The following GTF2I variants were observed in gnomAD, a reference collection of about 807,000 sequenced individuals.
The protein encoded by GTF2I is general transcription factor IIi.
GTF2I carries 12 observed loss-of-function variants against 67.6 expected under a neutral mutation model. The observed-to-expected ratio is 0.18, with a 90% CI of 0.11 to 0.29. GTF2I has a LOEUF of 0.29. GTF2I is among the 10% of genes least tolerant of loss of function. GTF2I has a pLI of 1.00. For missense variants in GTF2I, 271 were observed against 580.1 expected (o/e 0.47, Z 5.47); for synonymous variants, 149 against 197.0 (o/e 0.76, Z 2.04).
intron 28 of GTF2I, among the ~76,000 whole-genome samples, chr7:74,752,787 TTTAG>T (rs1459171815): frequency 7.9e-6 from 1 of 126,644 alleles, no homozygotes; most frequent in Non-Finnish European, 1.7e-5. Flanking sequence ...TTGTAGCATT[TTTAG>T]TTAGGCATTA....
chr7:74,716,569 G>A, intron 10 of GTF2I: 1 of 225,716 alleles, frequency 4.4e-6, no homozygotes, highest in Non-Finnish European at 8.9e-6. Flanking sequence ...AGATGAGCAT[G>A]GTACTTGAAG....
At chr7:74,706,358 G>A (rs1554401406) in intron 7 of GTF2I, 32 bp from the exon 8 acceptor site, 5 of 1,603,896 alleles carry the variant, frequency 3.1e-6, no homozygotes, top group Middle Eastern at 1.6e-4. Context: ...TCACCAGCAC[G>A]TGGCTTGATC....
At chr7:74,685,136 ACACCCTATG>A (rs1787594025) in intron 1 of GTF2I, among the ~76,000 whole-genome samples, 1 of 152,240 alleles carries the variant, frequency 6.6e-6, no homozygotes, top group Non-Finnish European at 1.5e-5. Flanking sequence ...TACAAAGGTT[ACACCCTATG>A]CAAGCATCTG....
intron 28 of GTF2I, among the ~76,000 whole-genome samples, chr7:74,752,483 A>C (rs1257275373): frequency 3.5e-5 from 5 of 144,804 alleles, no homozygotes; most frequent in African/African-American, 1.2e-4. Context: ...TGGGAGGCTG[A>C]GGCAGGAGGA....
chr7:74,700,929 G>A (rs782038821), intron 6 of GTF2I, among the ~76,000 whole-genome samples: 4 of 152,232 alleles, frequency 2.6e-5, no homozygotes, highest in Non-Finnish European at 4.4e-5. Context: ...TCGGCAAGAC[G>A]TTGTTGGGCA....
intron 4 of GTF2I, chr7:74,700,043 C>G (rs1789520008): frequency 5.7e-6 from 3 of 528,134 alleles, no homozygotes; most frequent in Non-Finnish European, 1.0e-5. Flanking sequence ...ATTTTATCTA[C>G]TTTTCATTTT....
At chr7:74,722,544 C>A (rs1793162967) in intron 12 of GTF2I, among the ~76,000 whole-genome samples, 1 of 152,164 alleles carries the variant, frequency 6.6e-6, no homozygotes, top group African/African-American at 2.4e-5. Flanking sequence ...AGTCACTTAC[C>A]TGTTACCTGT....
At chr7:74,663,493 A>T (rs1438050429) in intron 1 of GTF2I, among the ~76,000 whole-genome samples, 1 of 152,056 alleles carries the variant, frequency 6.6e-6, no homozygotes, top group Non-Finnish European at 1.5e-5. Flanking sequence ...TCACCATGTT[A>T]GCCAGGCTGG....
Position 74,690,285 on chromosome 7 carries a change from G to A in GTF2I, c.100-688G>A, listed in dbSNP as rs181625950. 1.9e-3 allele frequency among the ~76,000 whole-genome samples: 288 copies of A among 152,098 alleles called. 1 individual carries two copies. Among genetic ancestry groups the A allele is most frequent in the African/African-American group, 6.6e-3 (273 of 41,506 alleles). On this transcript the variant is annotated intron_variant, in intron 2 of 34. Coordinates refer to ENST00000573035, the MANE Select transcript of GTF2I (RefSeq NM_032999.4). ...TGTTATGGTGGTATTATTTTTAGGG[G>A]GGAAAATTGGAATCACCAACCTTTT...
At chr7:74,689,001 A>G (rs587742433) in intron 1 of GTF2I, 123 bp from the exon 2 acceptor site, 5 of 660,920 alleles carry the variant, frequency 7.6e-6, no homozygotes, top group African/African-American at 7.2e-5. Flanking sequence ...TCTGAGCCTT[A>G]TTTTGTCTCT....
At chr7:74,711,614 A>G (rs376596347) in intron 9 of GTF2I, among the ~76,000 whole-genome samples, 8 of 152,210 alleles carry the variant, frequency 5.3e-5, no homozygotes, top group East Asian at 3.8e-4. Flanking sequence ...TATTCAGGCA[A>G]CACGGATCTG....
chr7:74,674,193 C>T (rs587702800), intron 1 of GTF2I, among the ~76,000 whole-genome samples: 166 of 151,168 alleles, frequency 1.1e-3, no homozygotes, highest in African/African-American at 4.0e-3. Context: ...CCTCAGGCTC[C>T]TGAGTAGCTG....
chr7:74,686,132 G>A (rs782646902), intron 1 of GTF2I, among the ~76,000 whole-genome samples: 1 of 152,204 alleles, frequency 6.6e-6, no homozygotes, highest in Non-Finnish European at 1.5e-5. Context: ...CTGTGCAAAC[G>A]TCTGATTGGT....
intron 1 of GTF2I, among the ~76,000 whole-genome samples, chr7:74,658,610 A>T (rs1554384824): frequency 6.7e-6 from 1 of 149,838 alleles, no homozygotes; most frequent in African/African-American, 2.4e-5. Context: ...GGGATTGGCC[A>T]ACCGGCGCGG....
At chr7:74,689,810 G>T (rs1391604957) in intron 2 of GTF2I, among the ~76,000 whole-genome samples, 2 of 152,040 alleles carry the variant, frequency 1.3e-5, no homozygotes, top group Non-Finnish European at 2.9e-5. Flanking sequence ...CTGCCCCCTG[G>T]GTTCAAGTGA....
At chr7:74,665,053 C>T (rs1804852155) in intron 1 of GTF2I, among the ~76,000 whole-genome samples, 1 of 151,778 alleles carries the variant, frequency 6.6e-6, no homozygotes, top group East Asian at 1.9e-4. Context: ...GATTTTCCTG[C>T]CTCAGCCTCC....
At position 74,714,815 on chromosome 7, in the gene GTF2I, T is replaced by G. The variant is rs187975513; in HGVS notation, c.764-42T>G. 6,374 of 1,371,624 alleles carry G rather than the reference T, an allele frequency of 4.6e-3. 119 individuals carry two copies. Among genetic ancestry groups the G allele is most frequent in the South Asian group, 0.036 (2,740 of 76,500 alleles). 85.0% of individuals were successfully genotyped at this position (1,371,624 alleles called of 1,614,324 possible). A position where few individuals can be genotyped will look rare whatever the true frequency, so the allele number is the denominator to read the frequency against. ...ACTAAAGTCACCCCACATTTTTTTT[T>G]GGGGGGGATTACTTTTGAAGTATTA... On this transcript the variant is annotated intron_variant, in intron 9 of 34. Transcript: ENST00000573035.
intron 8 of GTF2I, among the ~76,000 whole-genome samples, chr7:74,709,419 T>G (rs1271383910): frequency 6.6e-5 from 10 of 151,964 alleles, no homozygotes; most frequent in Admixed American, 2.6e-4. Flanking sequence ...AATTTTTGTA[T>G]TATTCATTTA....
intron 2 of GTF2I, among the ~76,000 whole-genome samples, 155 bp from the exon 3 acceptor site, chr7:74,690,818 T>C (rs1788222382): frequency 6.6e-6 from 1 of 152,228 alleles, no homozygotes; most frequent in Non-Finnish European, 1.5e-5. Context: ...TTTTTCCTTA[T>C]AAATTCTGTG....
Sources: allele counts gnomAD v4.1 joint callset (sites outside exome capture counted in the v4.1 genomes callset), GRCh38; gene constraint gnomAD v4.1.1; transcripts MANE v1.5; gene names NCBI Gene and HGNC (gene_info 2026-07-23, HGNC 2026-07-21).